Variants in PDE1C observed in about 807,000 individuals in gnomAD.
PDE1C encodes the protein dual specificity calcium/calmodulin-dependent 3',5'-cyclic nucleotide phosphodiesterase 1C.
Under a neutral mutation model 93.1 loss-of-function variants are expected in PDE1C, and 62 were observed. The observed-to-expected ratio is 0.67, with a 90% CI of 0.54 to 0.82. The LOEUF is 0.82. Ranked by LOEUF, PDE1C falls within the 40% of genes least tolerant of loss-of-function variation. The probability of loss-of-function intolerance (pLI) is 0.00; values close to 1 mark genes in which losing one functional copy is unlikely to be tolerated. For synonymous variants in PDE1C, 325 were observed against 310.1 expected (o/e 1.05, Z -0.50); for missense variants, 742 against 884.6 (o/e 0.84, Z 2.04).
chr7:32,184,261 C>G (rs1803678971), intron 2 of PDE1C, among the ~76,000 whole-genome samples: 1 of 152,138 alleles, frequency 6.6e-6, no homozygotes, highest in Admixed American at 6.5e-5. Context: ...GGATCTAGAA[C>G]TAGAAATACC....
chr7:32,052,466 C>G, intron 1 of PDE1C: 1 of 407,384 alleles, frequency 2.5e-6, no homozygotes, highest in Non-Finnish European at 5.0e-6. Context: ...TCTGAAGACC[C>G]TTAAAAGAGT....
intron 16 of PDE1C, among the ~76,000 whole-genome samples, chr7:31,799,802 T>C (rs1443878201): frequency 6.6e-6 from 1 of 151,748 alleles, no homozygotes; most frequent in Non-Finnish European, 1.5e-5. Context: ...ACTAAGATTC[T>C]AAATAGGAGA....
the PDE1C span, among the ~76,000 whole-genome samples, chr7:31,639,353 C>A: frequency 6.6e-6 from 1 of 152,016 alleles, no homozygotes; most frequent in Non-Finnish European, 1.5e-5. Context: ...CTAATCTTTT[C>A]TTCTGCAGTC....
chr7:32,251,740 TTTCTCCA>T (rs1421053192), intron 1 of PDE1C, among the ~76,000 whole-genome samples: 5 of 152,242 alleles, frequency 3.3e-5, no homozygotes, highest in Non-Finnish European at 7.3e-5. Flanking sequence ...CCCTTTGCTC[TTTCTCCA>T]TTCTCCATTT....
chr7:32,252,295 G>A (rs1214976284), intron 1 of PDE1C, among the ~76,000 whole-genome samples: 1 of 152,122 alleles, frequency 6.6e-6, no homozygotes, highest in African/African-American at 2.4e-5. Context: ...GGACTATAAG[G>A]CACAAACCAC....
intron 2 of PDE1C, among the ~76,000 whole-genome samples, chr7:31,963,103 T>C (rs1809273102): frequency 6.6e-6 from 1 of 152,216 alleles, no homozygotes; most frequent in African/African-American, 2.4e-5. Flanking sequence ...TACACATTTT[T>C]TTAAAAGCCA....
chr7:31,640,487 T>G, the PDE1C span, among the ~76,000 whole-genome samples: 2 of 152,342 alleles, frequency 1.3e-5, no homozygotes, highest in East Asian at 1.9e-4. Flanking sequence ...CAGCTTCAAG[T>G]GTCTGCAAGG....
At chr7:31,823,322 G>A in intron 13 of PDE1C, 74 bp from the exon 14 acceptor site, 1 of 1,273,582 alleles carries the variant, frequency 7.9e-7, no homozygotes, top group South Asian at 1.4e-5. Context: ...CAAGCCCAGA[G>A]GAGGAATGGT....
At position 31,837,962 on chromosome 7, in the gene PDE1C, T is replaced by A; in HGVS notation, c.990A>T (p.Arg330=). Residue 330 remains arginine (R), a synonymous_variant, in exon 10 of 18, where the codon CGA becomes CGT. Transcript: ENST00000396191. ...NLSKDDWREF[R]TLVIEMVMAT... Reference sequence around the variant, plus strand: ...CCATCACCATTTCAATTACCAAGGTTCGAAACTCCCTTTTAGAGACAACCA... The same window carrying A: ...CCATCACCATTTCAATTACCAAGGTACGAAACTCCCTTTTAGAGACAACCA... The A allele has an allele frequency of 6.2e-7, 1 of 1,609,566 alleles. No homozygotes were observed. Among genetic ancestry groups the A allele is most frequent in the Non-Finnish European group, 8.5e-7 (1 of 1,175,974 alleles).
At chr7:32,048,440 C>T (rs1481493448) in intron 2 of PDE1C, among the ~76,000 whole-genome samples, 1 of 151,774 alleles carries the variant, frequency 6.6e-6, no homozygotes, top group African/African-American at 2.4e-5. Flanking sequence ...CTGAGCCCAC[C>T]ATGTAGTAAG....
In PDE1C at chr7:31,853,388, G is replaced by A. The variant is rs1476284407; in HGVS notation, c.751-2647C>T. ...CACAGAGGAGAGATGTTTAAGATGG[G>A]CCTTGAAAATTTGACAGAGAAAGAA... On this transcript the variant is annotated intron_variant, in intron 7 of 17. Coordinates refer to ENST00000396191, the MANE Select transcript of PDE1C (RefSeq NM_001191057.4). Among the ~76,000 whole-genome samples the A allele has an allele frequency of 3.3e-5, 5 of 152,180 alleles. No homozygotes were observed. The East Asian group carries it at 7.7e-4, about 23-fold the overall frequency.
In PDE1C at chr7:32,282,157, TA is replaced by T. The variant is rs34769998; in HGVS notation, c.85+16493del. On this transcript the variant is annotated intron_variant, in intron 1 of 18. Coordinates refer to the PDE1C transcript ENST00000396193. The stretch of plus-strand genomic sequence containing the variant: ...ATGTACCCTAGAACTTAAAGTATAA[TA>T]AAAAAAAAAAAAAGAAAGAAAGAAA... Among the ~76,000 whole-genome samples, 817 of 134,492 alleles carry T rather than the reference TA, an allele frequency of 6.1e-3. 5 individuals are homozygous for T. Among genetic ancestry groups the T allele is most frequent in the African/African-American group, 0.013 (481 of 36,978 alleles). The allele number at this position is 134,492 out of a possible 152,430, so 88.2% of individuals were successfully genotyped here.
At chr7:32,424,344 C>T (rs943730520) in intron 1 of PDE1C, among the ~76,000 whole-genome samples, 1 of 152,152 alleles carries the variant, frequency 6.6e-6, no homozygotes, top group African/African-American at 2.4e-5. Context: ...ATTCAAGTTC[C>T]CTGGCTTTAA....
upstream of PDE1C, among the ~76,000 whole-genome samples, chr7:32,303,660 A>G (rs1399865344): frequency 6.6e-6 from 1 of 152,186 alleles, no homozygotes; most frequent in East Asian, 1.9e-4. Flanking sequence ...GTGTGTGCTT[A>G]CATACTTGAG....
intron 1 of PDE1C, among the ~76,000 whole-genome samples, chr7:32,068,255 C>G (rs143165268): frequency 6.6e-6 from 1 of 151,586 alleles, no homozygotes; most frequent in Admixed American, 6.5e-5. Context: ...ACCCTTCCTT[C>G]CCCTAAGGGT....
At chr7:31,833,082 T>A (rs1468833777) in intron 11 of PDE1C, among the ~76,000 whole-genome samples, 1 of 152,178 alleles carries the variant, frequency 6.6e-6, no homozygotes, top group Non-Finnish European at 1.5e-5. Context: ...GGGGGCAGTT[T>A]CCTCCATACT....
At position 31,752,810 on chromosome 7, in the gene PDE1C, C is replaced by G. The variant is rs1280786334; in HGVS notation, c.*574G>C. The stretch of plus-strand genomic sequence containing the variant: ...GTGAATTCTGAAATGTCCATGAATA[C>G]AACAATTCATCCGTCTTCTCTTCCT... On this transcript the variant is annotated 3_prime_UTR_variant, in exon 18 of 18. Coordinates refer to ENST00000396191, the MANE Select transcript of PDE1C (RefSeq NM_001191057.4). 6.6e-6 allele frequency: 1 copy of G among 152,152 alleles called. No homozygotes were observed. The highest frequency in any genetic ancestry group is 1.5e-5 in the Non-Finnish European group (1 of 68,022). 9.4% of individuals were successfully genotyped at this position (152,152 alleles called of 1,614,324 possible).
At chr7:31,973,758 T>A (rs1811278251) in intron 2 of PDE1C, among the ~76,000 whole-genome samples, 2 of 152,114 alleles carry the variant, frequency 1.3e-5, no homozygotes, top group Non-Finnish European at 2.9e-5. Context: ...GAACCCAGAA[T>A]TCAAACTCAG....
At chr7:32,312,761 G>A (rs777270351) in intron 1 of PDE1C, among the ~76,000 whole-genome samples, 14 of 152,134 alleles carry the variant, frequency 9.2e-5, no homozygotes, top group Non-Finnish European at 1.6e-4. Flanking sequence ...ATTCAAAATG[G>A]ATTAAAGACT....
Sources: gnomAD v4.1 joint callset for allele counts (sites outside exome capture counted in the v4.1 genomes callset) on GRCh38, gnomAD v4.1.1 for gene constraint, MANE v1.5 for transcripts, NCBI Gene and HGNC (gene_info 2026-07-23, HGNC 2026-07-21) for gene names.